AK5: variants seen among roughly 807,000 people sequenced by gnomAD.
The protein encoded by AK5 is adenylate kinase 5.
AK5 carries 27 observed loss-of-function variants against 69.5 expected under a neutral mutation model. That is an observed-to-expected ratio of 0.39 (90% CI 0.29 to 0.54). The LOEUF (loss-of-function observed/expected upper bound fraction) is 0.54. Ranked by LOEUF, AK5 falls within the 20% of genes least tolerant of loss-of-function variation. AK5 has a pLI of 0.71. For missense variants in AK5, 531 were observed against 700.4 expected (o/e 0.76, Z 2.73); for synonymous variants, 260 against 244.4 (o/e 1.06, Z -0.60).
At chr1:77,444,454 TAC>T (rs1415441787) in intron 8 of AK5, among the ~76,000 whole-genome samples, 69 of 27,834 alleles carry the variant, frequency 2.5e-3, no homozygotes, top group Middle Eastern at 0.031. Flanking sequence ...ATATAGTATA[TAC>T]ATAGTATAAA....
At chr1:77,376,451 C>CAAAAAAAAAAAAAAAAAAAAA (rs762576175) in intron 6 of AK5, among the ~76,000 whole-genome samples, 4 of 41,054 alleles carry the variant, frequency 9.7e-5, no homozygotes, top group African/African-American at 1.8e-4. Flanking sequence ...AAAAAAAAAA[C>CAAAAAAAAAAAAAAAAAAAAA]AAAAAAAAAA....
intron 5 of AK5, among the ~76,000 whole-genome samples, chr1:77,303,590 C>T (rs75958140): frequency 2.6e-5 from 4 of 152,196 alleles, no homozygotes; most frequent in Admixed American, 6.5e-5. Flanking sequence ...GTCGCCACTG[C>T]GAAACTCCAC....
rs12028798 is a variant in AK5, at chr1:77,285,774, A to G, written c.61-1167A>G. Among the ~76,000 whole-genome samples, 473 of 152,076 alleles carry G rather than the reference A, an allele frequency of 3.1e-3. 15 individuals are homozygous for G. In the East Asian group the frequency reaches 0.082, roughly 26 times the overall value. On this transcript the variant is annotated intron_variant, in intron 1 of 13. Coordinates refer to ENST00000354567, the MANE Select transcript of AK5 (RefSeq NM_174858.3). ...AGTGGATATCGTAGTGACTTACTCT[A>G]TGTCAAATAGTAATTTTTTTTTTTA...
chr1:77,349,363 G>A (rs1356952194), intron 6 of AK5: 1 of 151,986 alleles, frequency 6.6e-6, no homozygotes, highest in Non-Finnish European at 1.5e-5. Context: ...ATCTTGTTGG[G>A]GCAGATACTA....
At chr1:77,483,221 T>TA in intron 8 of AK5, 96 bp from the exon 9 acceptor site, 1 of 848,978 alleles carries the variant, frequency 1.2e-6, no homozygotes, top group East Asian at 2.4e-5. Context: ...GCCTCCCTCT[T>TA]ACAGTTGTTA....
At chr1:77,402,916 T>C (rs148988356) in intron 6 of AK5, among the ~76,000 whole-genome samples, 12,634 of 152,234 alleles carry the variant, frequency 0.083, 684 homozygotes, top group South Asian at 0.17. Context: ...CCACCAACAC[T>C]GTAAAAGTGT....
At chr1:77,425,526 G>A (rs992003942) in intron 8 of AK5, among the ~76,000 whole-genome samples, 5 of 152,234 alleles carry the variant, frequency 3.3e-5, no homozygotes, top group African/African-American at 1.2e-4. Context: ...GGCGGAGGTT[G>A]CAGTGAGCCA....
intron 8 of AK5, among the ~76,000 whole-genome samples, chr1:77,472,737 A>T (rs2647504): frequency 0.44 from 61,484 of 140,788 alleles, 14,478 homozygotes; most frequent in East Asian, 0.53. Flanking sequence ...GAATTTTTTT[A>T]AAAAAGACTG....
intron 6 of AK5, among the ~76,000 whole-genome samples, chr1:77,404,117 A>G (rs1293446467): frequency 6.6e-6 from 1 of 152,194 alleles, no homozygotes; most frequent in Non-Finnish European, 1.5e-5. Context: ...ATTGGTGTAT[A>G]AGAATGCTTG....
intron 6 of AK5, among the ~76,000 whole-genome samples, chr1:77,406,613 A>G (rs1345094377): frequency 1.3e-5 from 2 of 152,030 alleles, no homozygotes; most frequent in Non-Finnish European, 2.9e-5. Flanking sequence ...TATAATGACC[A>G]TATGCCACCT....
chr1:77,430,230 G>T (rs1309698297), intron 8 of AK5, among the ~76,000 whole-genome samples: 1 of 152,086 alleles, frequency 6.6e-6, no homozygotes, highest in Non-Finnish European at 1.5e-5. Flanking sequence ...TAAAAAAGGG[G>T]ACAGAGAGAA....
intron 6 of AK5, among the ~76,000 whole-genome samples, chr1:77,345,545 G>A (rs1661872393): frequency 6.6e-6 from 1 of 152,046 alleles, no homozygotes; most frequent in African/African-American, 2.4e-5. Flanking sequence ...CGAAGTGAAG[G>A]CATTAGAAAA....
At chr1:77,282,839 C>T (rs1658138065) in intron 1 of AK5, 1 of 988,864 alleles carries the variant, frequency 1.0e-6, no homozygotes, top group Non-Finnish European at 1.2e-6. Flanking sequence ...TGGACGAAGG[C>T]AGCCCTTCCT....
At chr1:77,356,404 G>A (rs1179560617) in intron 6 of AK5, among the ~76,000 whole-genome samples, 1 of 152,192 alleles carries the variant, frequency 6.6e-6, no homozygotes, top group Non-Finnish European at 1.5e-5. Context: ...AAAATGAACA[G>A]GACCAGACAA....
At chr1:77,289,641 A>T (rs1013803044) in intron 2 of AK5, among the ~76,000 whole-genome samples, 1 of 152,174 alleles carries the variant, frequency 6.6e-6, no homozygotes, top group African/African-American at 2.4e-5. Context: ...TGTACACAGA[A>T]GATAGGCATG....
At chr1:77,446,916 G>A (rs1215241179) in intron 8 of AK5, among the ~76,000 whole-genome samples, 2 of 152,214 alleles carry the variant, frequency 1.3e-5, no homozygotes, top group Non-Finnish European at 2.9e-5. Context: ...GGTAAGTCGA[G>A]GGTTTGGGGC....
At chr1:77,430,312 CAG>C (rs1159764543) in intron 8 of AK5, among the ~76,000 whole-genome samples, 28 of 152,186 alleles carry the variant, frequency 1.8e-4, no homozygotes, top group Admixed American at 1.3e-3. Flanking sequence ...TGGGAGCCAA[CAG>C]GGGGTGAGCT....
intron 6 of AK5, among the ~76,000 whole-genome samples, chr1:77,367,597 G>GTTATATATATA (rs781304069): frequency 3.9e-5 from 2 of 51,066 alleles, no homozygotes; most frequent in African/African-American, 2.7e-4. Context: ...TGTTATATAT[G>GTTATATATATA]TAATATATAT....
intron 6 of AK5, among the ~76,000 whole-genome samples, chr1:77,405,875 C>T (rs570852746): frequency 4.1e-4 from 62 of 152,272 alleles, no homozygotes; most frequent in African/African-American, 1.4e-3. Flanking sequence ...CAGCTCATAA[C>T]ATTGCCCTCC....
Sources: gnomAD v4.1 joint callset for allele counts (sites outside exome capture counted in the v4.1 genomes callset) on GRCh38, gnomAD v4.1.1 for gene constraint, MANE v1.5 for transcripts, NCBI Gene and HGNC (gene_info 2026-07-23, HGNC 2026-07-21) for gene names.